SH3RF3: variants seen among roughly 807,000 people sequenced by gnomAD.
The protein encoded by SH3RF3 is SH3 domain containing ring finger 3.
Under a neutral mutation model 66.3 loss-of-function variants are expected in SH3RF3, and 29 were observed. That is an observed-to-expected ratio of 0.44 (90% CI 0.33 to 0.60). SH3RF3 has a LOEUF of 0.60. Among genes scored for constraint, SH3RF3 ranks in the 20% least tolerant of loss-of-function variants. SH3RF3 has a pLI of 0.04. For synonymous variants in SH3RF3, 583 were observed against 532.0 expected (o/e 1.10, Z -1.32); for missense variants, 1,194 against 1,190.9 (o/e 1.00, Z -0.04).
rs538695112 is a variant in SH3RF3 at position 109,430,895 on chromosome 2, C to T, written c.1404-1606C>T. Among the ~76,000 whole-genome samples, 56 of 152,270 alleles carry T rather than the reference C, an allele frequency of 3.7e-4. No individual in the cohort carries two copies. The South Asian group carries it at 0.012, about 32-fold the overall frequency. On this transcript the variant is annotated intron_variant, in intron 5 of 9. Coordinates refer to ENST00000309415, the MANE Select transcript of SH3RF3 (RefSeq NM_001099289.3). ...GCCACAGTTGGAGCCCACAGCATGT[C>T]CCTAGGAGGAGGGCATGAGGGACAC... is the stretch of plus-strand genomic sequence containing the variant.
chr2:109,402,970 C>T (rs954119000), intron 4 of SH3RF3, among the ~76,000 whole-genome samples: 6 of 152,108 alleles, frequency 3.9e-5, no homozygotes, highest in Non-Finnish European at 7.4e-5. Flanking sequence ...TGCTGTCCAA[C>T]GCATCGACTG....
At chr2:109,286,658 A>C (rs1574551093) in intron 1 of SH3RF3, among the ~76,000 whole-genome samples, 1 of 152,140 alleles carries the variant, frequency 6.6e-6, no homozygotes, top group African/African-American at 2.4e-5. Context: ...TGAAGCAGGA[A>C]TCTTTTCCCC....
intron 2 of SH3RF3, among the ~76,000 whole-genome samples, chr2:109,365,011 ACT>A (rs1461362039): frequency 1.3e-5 from 2 of 152,046 alleles, no homozygotes; most frequent in Non-Finnish European, 2.9e-5. Flanking sequence ...GGATCGTGAG[ACT>A]CTGTCTCAAA....
At chr2:109,324,296 GT>G (rs1270828595) in intron 1 of SH3RF3, among the ~76,000 whole-genome samples, 1 of 152,176 alleles carries the variant, frequency 6.6e-6, no homozygotes, top group African/African-American at 2.4e-5. Flanking sequence ...TTGTGGACAG[GT>G]TTCCACTGCT....
At chr2:109,184,220 C>T (rs1315526581) in intron 1 of SH3RF3, among the ~76,000 whole-genome samples, 2 of 152,262 alleles carry the variant, frequency 1.3e-5, no homozygotes, top group East Asian at 3.9e-4. Flanking sequence ...TTCTACACTC[C>T]CTTGGGAGTT....
At chr2:109,295,375 G>T (rs532864056) in intron 1 of SH3RF3, among the ~76,000 whole-genome samples, 2 of 152,372 alleles carry the variant, frequency 1.3e-5, no homozygotes, top group South Asian at 4.1e-4. Context: ...GCACCAGCCA[G>T]GCTGTAACCC....
At chr2:109,229,685 G>T (rs1679450734) in intron 1 of SH3RF3, among the ~76,000 whole-genome samples, 1 of 152,202 alleles carries the variant, frequency 6.6e-6, no homozygotes, top group African/African-American at 2.4e-5. Flanking sequence ...CAGAAAATAA[G>T]ACATGGTGAC....
chr2:109,153,073 G>C (rs987185827), intron 1 of SH3RF3, among the ~76,000 whole-genome samples: 2 of 152,172 alleles, frequency 1.3e-5, no homozygotes, highest in Non-Finnish European at 2.9e-5. Flanking sequence ...GCAAAGACAA[G>C]ACAGTCACTG....
At position 109,465,870 on chromosome 2, in the gene SH3RF3, G is replaced by A. The variant is rs74787003; in HGVS notation, c.2148+16381G>A. ...GTCACAGGGAGGGCACCAAGGAGAC[G>A]GTGTTAAACCATTCGTGAGAAATCT... On this transcript the variant is annotated intron_variant, in intron 8 of 9. Transcript: ENST00000309415. Among the ~76,000 whole-genome samples the A allele has an allele frequency of 4.6e-5, 7 of 152,160 alleles. No individual in the cohort carries two copies. In the East Asian group the frequency reaches 9.7e-4, roughly 21 times the overall value.
At chr2:109,455,344 TACC>T (rs1259121837) in intron 8 of SH3RF3, among the ~76,000 whole-genome samples, 1 of 152,194 alleles carries the variant, frequency 6.6e-6, no homozygotes, top group Non-Finnish European at 1.5e-5. Flanking sequence ...ATGAATCACT[TACC>T]AGTCCATGTG....
intron 2 of SH3RF3, among the ~76,000 whole-genome samples, chr2:109,365,425 T>C (rs900345518): frequency 2.0e-5 from 3 of 152,324 alleles, no homozygotes; most frequent in South Asian, 2.1e-4. Context: ...TCCCTATTGA[T>C]CTCTTCAATT....
At chr2:109,243,919 C>A (rs1166207028) in intron 1 of SH3RF3, among the ~76,000 whole-genome samples, 6 of 152,124 alleles carry the variant, frequency 3.9e-5, no homozygotes, top group Non-Finnish European at 8.8e-5. Context: ...GCTTAGACAC[C>A]AGAAGAGCTC....
intron 1 of SH3RF3, among the ~76,000 whole-genome samples, chr2:109,165,968 C>T (rs1048769516): frequency 1.3e-5 from 2 of 152,128 alleles, no homozygotes; most frequent in African/African-American, 4.8e-5. Flanking sequence ...TCTTCCTTTC[C>T]TTTTTTTCCC....
At chr2:109,396,652 T>A (rs1444361215) in intron 3 of SH3RF3, among the ~76,000 whole-genome samples, 1 of 152,220 alleles carries the variant, frequency 6.6e-6, no homozygotes, top group Non-Finnish European at 1.5e-5. Context: ...CTTCACTGAT[T>A]GACAGCATTG....
chr2:109,495,124 T>C (rs1056488718), intron 9 of SH3RF3, among the ~76,000 whole-genome samples: 27 of 152,236 alleles, frequency 1.8e-4, no homozygotes, highest in African/African-American at 6.3e-4. Flanking sequence ...GGACCTCATC[T>C]TTAGGTGTCT....
chr2:109,320,221 C>T (rs1308783099), intron 1 of SH3RF3, among the ~76,000 whole-genome samples: 1 of 152,148 alleles, frequency 6.6e-6, no homozygotes, highest in Admixed American at 6.5e-5. Flanking sequence ...GACTCTAATT[C>T]CATTTTTGAG....
chr2:109,163,547 C>T (rs1003984672), intron 1 of SH3RF3, among the ~76,000 whole-genome samples: 6 of 150,648 alleles, frequency 4.0e-5, no homozygotes, highest in South Asian at 2.1e-4. Context: ...TACAGGCGCC[C>T]GCCACTACGC....
intron 8 of SH3RF3, among the ~76,000 whole-genome samples, chr2:109,462,296 G>A (rs1218398965): frequency 1.3e-5 from 2 of 151,696 alleles, no homozygotes; most frequent in Non-Finnish European, 2.9e-5. Context: ...CTTGCCTGCT[G>A]AAAGCAAACT....
intron 9 of SH3RF3, among the ~76,000 whole-genome samples, chr2:109,493,948 C>T (rs928564559): frequency 1.8e-4 from 27 of 152,220 alleles, no homozygotes; most frequent in Admixed American, 1.2e-3. Flanking sequence ...TAAGGAGTCT[C>T]CTCCGCATCA....
Sources: gnomAD v4.1 joint callset for allele counts (sites outside exome capture counted in the v4.1 genomes callset) on GRCh38, gnomAD v4.1.1 for gene constraint, MANE v1.5 for transcripts, NCBI Gene and HGNC (gene_info 2026-07-23, HGNC 2026-07-21) for gene names.